Variants in PPARGC1A observed in about 807,000 individuals in gnomAD.
The protein encoded by PPARGC1A is peroxisome proliferator-activated receptor gamma coactivator 1-alpha.
A neutral mutation model predicts 88.7 loss-of-function variants in PPARGC1A; 25 were observed. That is an observed-to-expected ratio of 0.28 (90% CI 0.21 to 0.39). PPARGC1A has a LOEUF of 0.39. Among genes scored for constraint, PPARGC1A ranks in the 10% least tolerant of loss-of-function variants. The probability of loss-of-function intolerance (pLI) is 1.00; values close to 1 mark genes in which losing one functional copy is unlikely to be tolerated. For missense variants in PPARGC1A, 880 were observed against 968.7 expected (o/e 0.91, Z 1.22); for synonymous variants, 363 against 355.6 (o/e 1.02, Z -0.24).
chr4:23,810,709 T>A (rs904604854), intron 10 of PPARGC1A, among the ~76,000 whole-genome samples: 3 of 152,230 alleles, frequency 2.0e-5, no homozygotes, highest in Non-Finnish European at 2.9e-5. Flanking sequence ...AAACTATTAA[T>A]CTTTCTCTTT....
At chr4:24,088,101 C>T in the PPARGC1A span, among the ~76,000 whole-genome samples, 26 of 152,244 alleles carry the variant, frequency 1.7e-4, no homozygotes, top group Admixed American at 1.0e-3. Flanking sequence ...GTAATCCCAG[C>T]ATTTTGGGAG....
At chr4:24,415,660 G>A in the PPARGC1A span, among the ~76,000 whole-genome samples, 1 of 152,208 alleles carries the variant, frequency 6.6e-6, no homozygotes, top group Non-Finnish European at 1.5e-5. Flanking sequence ...GGTTTGATAA[G>A]TAATGGCAAT....
chr4:23,985,979 C>T, the PPARGC1A span, among the ~76,000 whole-genome samples: 1 of 151,964 alleles, frequency 6.6e-6, no homozygotes, highest in Non-Finnish European at 1.5e-5. Context: ...TGGACAATGA[C>T]CCTTCATCTC....
the PPARGC1A span, among the ~76,000 whole-genome samples, chr4:24,119,193 A>G: frequency 6.6e-6 from 1 of 152,130 alleles, no homozygotes; most frequent in Non-Finnish European, 1.5e-5. Flanking sequence ...TGAAGATGAG[A>G]CAGGGAGACT....
chr4:24,011,203 T>G, the PPARGC1A span, among the ~76,000 whole-genome samples: 1 of 152,160 alleles, frequency 6.6e-6, no homozygotes, highest in Non-Finnish European at 1.5e-5. Context: ...AAGGTCATGT[T>G]TTTTAGAGAG....
At chr4:24,061,905 C>T in the PPARGC1A span, among the ~76,000 whole-genome samples, 1 of 152,184 alleles carries the variant, frequency 6.6e-6, no homozygotes, top group Non-Finnish European at 1.5e-5. Flanking sequence ...GGGAGGGCCA[C>T]AATCTCGATT....
the PPARGC1A span, among the ~76,000 whole-genome samples, chr4:23,935,544 T>C: frequency 2.0e-5 from 3 of 152,184 alleles, no homozygotes; most frequent in Non-Finnish European, 4.4e-5. Context: ...ACTACTTACA[T>C]AGAATACCAT....
chr4:24,066,705 G>C, the PPARGC1A span, among the ~76,000 whole-genome samples: 1 of 152,170 alleles, frequency 6.6e-6, no homozygotes, highest in African/African-American at 2.4e-5. Context: ...TTGGGAGCCA[G>C]AAAGTCTTTA....
the PPARGC1A span, among the ~76,000 whole-genome samples, chr4:24,277,899 G>C: frequency 6.6e-6 from 1 of 152,128 alleles, no homozygotes; most frequent in Non-Finnish European, 1.5e-5. Context: ...TAAGGGGTGG[G>C]TGTGGTGGCT....
chr4:24,049,462 T>C, the PPARGC1A span, among the ~76,000 whole-genome samples: 1 of 151,304 alleles, frequency 6.6e-6, no homozygotes, highest in Non-Finnish European at 1.5e-5. Flanking sequence ...GTCAATACAC[T>C]CCTGGGGTGA....
At chr4:23,873,324 C>G (rs1295301880) in intron 2 of PPARGC1A, among the ~76,000 whole-genome samples, 3 of 151,166 alleles carry the variant, frequency 2.0e-5, no homozygotes, top group African/African-American at 7.3e-5. Context: ...TTTAGAGAAA[C>G]TGAAGTACTA....
chr4:24,089,505 C>CTTTTTTTTTTTTTTTT, the PPARGC1A span, among the ~76,000 whole-genome samples: 1 of 73,810 alleles, frequency 1.4e-5, no homozygotes, highest in African/African-American at 4.8e-5. Context: ...CTTTTCTTTT[C>CTTTTTTTTTTTTTTTT]TTTTCTTTCT....
chr4:24,349,456 T>C, the PPARGC1A span, among the ~76,000 whole-genome samples: 3 of 152,284 alleles, frequency 2.0e-5, no homozygotes, highest in Non-Finnish European at 4.4e-5. Flanking sequence ...GCTCAAACTC[T>C]CCTTGGGCAG....
the PPARGC1A span, among the ~76,000 whole-genome samples, chr4:24,400,987 G>A: frequency 6.8e-6 from 1 of 148,090 alleles, no homozygotes; most frequent in African/African-American, 2.5e-5. Context: ...TCAGGTCTAA[G>A]TAGGTACTTT....
chr4:24,089,817 C>G, the PPARGC1A span, among the ~76,000 whole-genome samples: 1 of 152,108 alleles, frequency 6.6e-6, no homozygotes, highest in Non-Finnish European at 1.5e-5. Context: ...GCCTAGGACG[C>G]CTTTTTTCTA....
chr4:24,285,014 C>A, the PPARGC1A span, among the ~76,000 whole-genome samples: 1 of 150,766 alleles, frequency 6.6e-6, no homozygotes, highest in Non-Finnish European at 1.5e-5. Context: ...GGCAACAGGG[C>A]GAGACTGTCT....
the PPARGC1A span, among the ~76,000 whole-genome samples, chr4:24,169,422 T>C: frequency 1.3e-5 from 2 of 152,132 alleles, no homozygotes; most frequent in Non-Finnish European, 2.9e-5. Flanking sequence ...AACATATAAC[T>C]ATCAGTTCAC....
At chr4:24,225,839 G>A in the PPARGC1A span, among the ~76,000 whole-genome samples, 2 of 152,164 alleles carry the variant, frequency 1.3e-5, no homozygotes, top group East Asian at 3.9e-4. Flanking sequence ...GAGTTGTCCT[G>A]TTGACTGGAG....
the PPARGC1A span, among the ~76,000 whole-genome samples, chr4:24,389,348 A>G: frequency 6.6e-6 from 1 of 152,110 alleles, no homozygotes; most frequent in South Asian, 2.1e-4. Context: ...TGCTTATACT[A>G]TAAAGGCCTA....
Sources: gnomAD v4.1 joint callset for allele counts (sites outside exome capture counted in the v4.1 genomes callset) on GRCh38, gnomAD v4.1.1 for gene constraint, MANE v1.5 for transcripts, NCBI Gene and HGNC (gene_info 2026-07-23, HGNC 2026-07-21) for gene names.